The following TRPM3 variants were observed in gnomAD, a reference collection of about 807,000 sequenced individuals.
TRPM3 encodes long transient receptor potential channel 3.
TRPM3 carries 77 observed loss-of-function variants against 181.2 expected under a neutral mutation model. That is an observed-to-expected ratio of 0.42 (90% CI 0.35 to 0.51). The LOEUF is 0.51. Ranked by LOEUF, TRPM3 falls within the 20% of genes least tolerant of loss-of-function variation. The probability of loss-of-function intolerance (pLI) is 0.01; values close to 1 mark genes in which losing one functional copy is unlikely to be tolerated. For missense variants in TRPM3, 1,759 were observed against 2,196.7 expected (o/e 0.80, Z 3.98); for synonymous variants, 745 against 796.4 (o/e 0.94, Z 1.09).
At chr9:70,886,785 C>G (rs2096091258) in intron 1 of TRPM3, among the ~76,000 whole-genome samples, 1 of 152,086 alleles carries the variant, frequency 6.6e-6, no homozygotes, top group African/African-American at 2.4e-5. Context: ...CTGCCTCAGC[C>G]TCCTGTGTAG....
At chr9:71,215,088 A>G (rs1402189337) in intron 1 of TRPM3, among the ~76,000 whole-genome samples, 1 of 151,790 alleles carries the variant, frequency 6.6e-6, no homozygotes, top group Non-Finnish European at 1.5e-5. Flanking sequence ...GTAAGGTCCA[A>G]GAGGGCAGGG....
intron 1 of TRPM3, among the ~76,000 whole-genome samples, chr9:71,208,435 TA>T (rs58001132): frequency 0.037 from 5,595 of 152,200 alleles, 359 homozygotes; most frequent in African/African-American, 0.13. Flanking sequence ...AAAACAGGAA[TA>T]TAAGTCAATG....
chr9:71,200,236 G>C (rs1303536519), intron 1 of TRPM3, among the ~76,000 whole-genome samples: 1 of 152,048 alleles, frequency 6.6e-6, no homozygotes, highest in Non-Finnish European at 1.5e-5. Flanking sequence ...TGGTCTGAGA[G>C]ACAGTTTGTT....
At chr9:70,835,680 C>T (rs10118602) in intron 5 of TRPM3, among the ~76,000 whole-genome samples, 80,286 of 151,846 alleles carry the variant, frequency 0.53, 21,851 homozygotes, top group Non-Finnish European at 0.56. Context: ...CTGTGTCTCA[C>T]TGTCTCCATA....
chr9:70,867,882 C>T (rs946001438), intron 1 of TRPM3, among the ~76,000 whole-genome samples: 2 of 152,030 alleles, frequency 1.3e-5, no homozygotes, highest in South Asian at 2.1e-4. Context: ...AAACAAATTC[C>T]TTTTCTTTGT....
intron 1 of TRPM3, among the ~76,000 whole-genome samples, chr9:71,013,483 A>G (rs865851226): frequency 1.3e-5 from 2 of 151,486 alleles, no homozygotes; most frequent in African/African-American, 4.8e-5. Context: ...TTGTATTTCT[A>G]TGCTGTGAAA....
At chr9:70,750,537 G>A (rs1405137212) in intron 8 of TRPM3, among the ~76,000 whole-genome samples, 1 of 152,172 alleles carries the variant, frequency 6.6e-6, no homozygotes, top group Non-Finnish European at 1.5e-5. Context: ...GGACTAGGTA[G>A]GAACACAGAG....
intron 9 of TRPM3, among the ~76,000 whole-genome samples, chr9:70,654,072 CTT>C: frequency 6.8e-6 from 1 of 147,384 alleles, no homozygotes; most frequent in African/African-American, 2.5e-5. Flanking sequence ...GGTCTTGGCT[CTT>C]TTTTTTTTTC....
At chr9:71,101,336 C>T (rs1425984339) in intron 1 of TRPM3, among the ~76,000 whole-genome samples, 1 of 152,116 alleles carries the variant, frequency 6.6e-6, no homozygotes, top group Non-Finnish European at 1.5e-5. Flanking sequence ...ATCACTCAAC[C>T]CAAGTCTTCT....
intron 1 of TRPM3, among the ~76,000 whole-genome samples, chr9:71,060,475 G>A (rs898029093): frequency 4.0e-4 from 61 of 152,086 alleles, no homozygotes; most frequent in African/African-American, 1.4e-3. Flanking sequence ...TAACATGTCC[G>A]ACATCATTCA....
rs569113216 is a variant in TRPM3 at position 71,139,440 on chromosome 9, C to T, written c.184-274929G>A. Among the ~76,000 whole-genome samples, 3 of 152,142 alleles carry T rather than the reference C, an allele frequency of 2.0e-5. No homozygotes were observed. The South Asian group carries it at 6.2e-4, about 32-fold the overall frequency. ...GAAAAACCACTGTTTACATTTCAGA[C>T]TTAAAAATAGGAACAAATTACTTCT... is the stretch of plus-strand genomic sequence containing the variant. On this transcript the variant is annotated intron_variant, in intron 1 of 24. Coordinates refer to the TRPM3 transcript ENST00000357533.
At chr9:71,412,507 T>C (rs2093570184) in intron 1 of TRPM3, among the ~76,000 whole-genome samples, 1 of 152,130 alleles carries the variant, frequency 6.6e-6, no homozygotes, top group Non-Finnish European at 1.5e-5. Flanking sequence ...AAAATGCTCA[T>C]CATCACTGGC....
chr9:71,339,496 G>A (rs1022662164), intron 1 of TRPM3, among the ~76,000 whole-genome samples: 1 of 137,964 alleles, frequency 7.2e-6, no homozygotes, highest in African/African-American at 2.7e-5. Flanking sequence ...ATGGAACAGA[G>A]TAAGTTCTGA....
Position 71,132,701 on chromosome 9 carries a change from G to A in TRPM3, c.184-268190C>T, listed in dbSNP as rs138961933. On this transcript the variant is annotated intron_variant, in intron 1 of 24. Coordinates refer to the TRPM3 transcript ENST00000357533. Reference sequence around the variant, plus strand: ...TCATAAAAATATAAAGAATTAAAATGTATCTATTCTTCTATTATCCATCAA... The same window carrying A: ...TCATAAAAATATAAAGAATTAAAATATATCTATTCTTCTATTATCCATCAA... 4.9e-3 allele frequency among the ~76,000 whole-genome samples: 746 copies of A among 152,174 alleles called. 19 individuals are homozygous for A. Among genetic ancestry groups the A allele is most frequent in the Admixed American group, 0.037 (559 of 15,284 alleles).
chr9:70,878,393 C>A (rs747534684), intron 1 of TRPM3, among the ~76,000 whole-genome samples: 1 of 152,006 alleles, frequency 6.6e-6, no homozygotes, highest in Non-Finnish European at 1.5e-5. Flanking sequence ...GCTGTACTTA[C>A]TTATTTTTTA....
At chr9:71,165,440 A>G (rs1282608984) in intron 1 of TRPM3, among the ~76,000 whole-genome samples, 1 of 152,138 alleles carries the variant, frequency 6.6e-6, no homozygotes, top group African/African-American at 2.4e-5. Context: ...TCCATAGAAG[A>G]TAGGACATTT....
At chr9:70,788,228 G>A (rs2084408890) in intron 6 of TRPM3, among the ~76,000 whole-genome samples, 1 of 132,806 alleles carries the variant, frequency 7.5e-6, no homozygotes, top group African/African-American at 2.9e-5. Context: ...TGTTCTCATT[G>A]TTCAATTCCC....
intron 1 of TRPM3, among the ~76,000 whole-genome samples, chr9:70,955,337 T>C (rs1215970052): frequency 6.6e-6 from 1 of 152,212 alleles, no homozygotes; most frequent in Non-Finnish European, 1.5e-5. Context: ...TTGATCTTAT[T>C]TAGTTCCCTT....
intron 1 of TRPM3, among the ~76,000 whole-genome samples, chr9:71,052,791 A>G (rs923973445): frequency 2.6e-5 from 4 of 152,034 alleles, no homozygotes; most frequent in African/African-American, 9.7e-5. Context: ...ACCATCATCT[A>G]CTATCTTCAG....
Sources: gnomAD v4.1 joint callset for allele counts (sites outside exome capture counted in the v4.1 genomes callset) on GRCh38, gnomAD v4.1.1 for gene constraint, MANE v1.5 for transcripts, NCBI Gene and HGNC (gene_info 2026-07-23, HGNC 2026-07-21) for gene names.